The following MACROD2 variants were observed in gnomAD, a reference collection of about 807,000 sequenced individuals.
The protein encoded by MACROD2 is mono-ADP ribosylhydrolase 2.
Under a neutral mutation model 70.4 loss-of-function variants are expected in MACROD2, and 36 were observed. The ratio of observed to expected loss-of-function variants is 0.51; its 90% confidence interval spans 0.39 to 0.68. The LOEUF is 0.68. MACROD2 is among the 30% of genes least tolerant of loss of function. The probability of loss-of-function intolerance (pLI) is 0.00; values close to 1 mark genes in which losing one functional copy is unlikely to be tolerated. For missense variants in MACROD2, 496 were observed against 538.4 expected, an observed-to-expected ratio of 0.92 and a Z score of 0.78; for synonymous variants, 172 against 178.8, an observed-to-expected ratio of 0.96 and a Z score of 0.30.
chr20:14,659,515 G>T (rs1986127330), intron 4 of MACROD2, among the ~76,000 whole-genome samples: 1 of 152,100 alleles, frequency 6.6e-6, no homozygotes, highest in Non-Finnish European at 1.5e-5. Context: ...TATTGTGCCA[G>T]AATTTAGTAC....
intron 6 of MACROD2, among the ~76,000 whole-genome samples, chr20:15,417,112 C>T (rs557384142): frequency 1.3e-5 from 2 of 152,268 alleles, no homozygotes; most frequent in African/African-American, 4.8e-5. Context: ...TAGCAACCTG[C>T]TCCTTCTCCA....
intron 4 of MACROD2, among the ~76,000 whole-genome samples, chr20:14,588,394 T>C (rs1396988369): frequency 6.6e-6 from 1 of 152,248 alleles, no homozygotes; most frequent in African/African-American, 2.4e-5. Flanking sequence ...TTTACCTTAA[T>C]AGGTCTTAAA....
At chr20:15,257,452 G>A (rs889898146) in intron 6 of MACROD2, among the ~76,000 whole-genome samples, 1 of 152,004 alleles carries the variant, frequency 6.6e-6, no homozygotes, top group African/African-American at 2.4e-5. Flanking sequence ...GAAATAAAAG[G>A]TTTGGATTGT....
At chr20:14,048,419 C>T (rs2053509887) in intron 2 of MACROD2, among the ~76,000 whole-genome samples, 1 of 151,906 alleles carries the variant, frequency 6.6e-6, no homozygotes, top group Non-Finnish European at 1.5e-5. Context: ...AAGTCATTTC[C>T]TTAGGAAGGA....
chr20:14,190,962 C>T (rs2081383184), intron 3 of MACROD2, among the ~76,000 whole-genome samples: 1 of 151,814 alleles, frequency 6.6e-6, no homozygotes, highest in African/African-American at 2.4e-5. Context: ...CCGCCTCGGC[C>T]TCCCAAAGTT....
At chr20:14,585,861 G>A (rs1395821679) in intron 4 of MACROD2, among the ~76,000 whole-genome samples, 1 of 152,110 alleles carries the variant, frequency 6.6e-6, no homozygotes, top group Non-Finnish European at 1.5e-5. Flanking sequence ...AGATATTCAA[G>A]GTGTGTAGCT....
intron 3 of MACROD2, among the ~76,000 whole-genome samples, chr20:14,313,014 A>G (rs1015500700): frequency 4.6e-5 from 7 of 152,210 alleles, no homozygotes; most frequent in African/African-American, 1.7e-4. Context: ...TTCATTGTCT[A>G]CATTTAAAAA....
intron 3 of MACROD2, among the ~76,000 whole-genome samples, chr20:14,172,615 A>G (rs140705948): frequency 6.6e-6 from 1 of 152,168 alleles, no homozygotes; most frequent in African/African-American, 2.4e-5. Flanking sequence ...AGCATTCTGT[A>G]TCTTTTATGT....
At chr20:14,837,685 A>G (rs1027856251) in intron 5 of MACROD2, among the ~76,000 whole-genome samples, 2 of 152,060 alleles carry the variant, frequency 1.3e-5, no homozygotes, top group African/African-American at 4.8e-5. Context: ...ATTTTGATCA[A>G]TCTTTACCAA....
At chr20:14,017,468 T>G (rs1220149305) in intron 2 of MACROD2, among the ~76,000 whole-genome samples, 1 of 152,134 alleles carries the variant, frequency 6.6e-6, no homozygotes, top group Non-Finnish European at 1.5e-5. Context: ...TGTGGATTTT[T>G]CATATGTCTC....
chr20:15,817,984 A>G (rs933600626), intron 8 of MACROD2, among the ~76,000 whole-genome samples: 1 of 152,038 alleles, frequency 6.6e-6, no homozygotes, highest in Non-Finnish European at 1.5e-5. Context: ...GAGGATTTTC[A>G]TAGCAGGGTC....
chr20:14,680,993 A>T (rs1174543482), intron 4 of MACROD2, among the ~76,000 whole-genome samples: 4 of 152,208 alleles, frequency 2.6e-5, no homozygotes, highest in Admixed American at 2.6e-4. Context: ...ACATGAGCAG[A>T]TACTTCCAAA....
chr20:14,889,447 G>A (rs376273110), intron 5 of MACROD2, among the ~76,000 whole-genome samples: 1 of 152,160 alleles, frequency 6.6e-6, no homozygotes, highest in Non-Finnish European at 1.5e-5. Context: ...TAAAGGGGAA[G>A]TGGTTAAATC....
At chr20:16,015,112 A>C (rs1239660748) in intron 15 of MACROD2, among the ~76,000 whole-genome samples, 1 of 152,216 alleles carries the variant, frequency 6.6e-6, no homozygotes, top group Non-Finnish European at 1.5e-5. Context: ...AAGACTAAGA[A>C]GGAATCACCT....
At chr20:16,025,444 G>A (rs866977134) in intron 15 of MACROD2, among the ~76,000 whole-genome samples, 2 of 152,214 alleles carry the variant, frequency 1.3e-5, no homozygotes, top group Non-Finnish European at 2.9e-5. Flanking sequence ...GGAGATAACA[G>A]CAGTCAAGAC....
At chr20:14,228,431 G>T (rs1274614414) in intron 3 of MACROD2, among the ~76,000 whole-genome samples, 1 of 150,598 alleles carries the variant, frequency 6.6e-6, no homozygotes, top group Non-Finnish European at 1.5e-5. Context: ...TCCATCTCCC[G>T]GGTTCACGCC....
chr20:14,731,392 G>A (rs943115792), intron 5 of MACROD2, among the ~76,000 whole-genome samples: 2 of 152,040 alleles, frequency 1.3e-5, no homozygotes, highest in Non-Finnish European at 2.9e-5. Context: ...CAGAATCCAC[G>A]ATCTCTTAGA....
At chr20:15,073,790 C>T (rs415134) in intron 5 of MACROD2, among the ~76,000 whole-genome samples, 108,553 of 152,082 alleles carry the variant, frequency 0.71, 39,116 homozygotes, top group African/African-American at 0.81. Context: ...TTCACAGAAG[C>T]TGACTATAAA....
chr20:15,785,821 A>G (rs910921799), intron 8 of MACROD2, among the ~76,000 whole-genome samples: 1 of 152,204 alleles, frequency 6.6e-6, no homozygotes, highest in Non-Finnish European at 1.5e-5. Context: ...TTAAAAATCA[A>G]TAATACTTTT....
Sources: allele counts gnomAD v4.1 joint callset (sites outside exome capture counted in the v4.1 genomes callset), GRCh38; gene constraint gnomAD v4.1.1; transcripts MANE v1.5; gene names NCBI Gene and HGNC (gene_info 2026-07-23, HGNC 2026-07-21).